MROH9: variants seen among roughly 807,000 people sequenced by gnomAD.
MROH9 encodes maestro heat-like repeat-containing protein family member 9.
A neutral mutation model predicts 98.2 loss-of-function variants in MROH9; 92 were observed. That is an observed-to-expected ratio of 0.94 (90% CI 0.79 to 1.11). The LOEUF is 1.11. Ranked by LOEUF, MROH9 falls within the 50% of genes most tolerant of loss-of-function variation. The pLI is 0.00. For missense variants in MROH9, 1,057 were observed against 1,014.8 expected (o/e 1.04, Z -0.57); for synonymous variants, 397 against 368.9 (o/e 1.08, Z -0.87).
At chr1:170,990,123 G>A in intron 11 of MROH9, 120 bp downstream of exon 11, 1 of 1,053,426 alleles carries the variant, frequency 9.5e-7, no homozygotes, top group Non-Finnish European at 1.3e-6. Flanking sequence ...TTTTCTGAAA[G>A]AGAAAATCTA....
At chr1:171,039,184 C>CA (rs1170048899) in intron 20 of MROH9, among the ~76,000 whole-genome samples, 1 of 151,956 alleles carries the variant, frequency 6.6e-6, no homozygotes, top group African/African-American at 2.4e-5. Flanking sequence ...TTGTGACTTT[C>CA]AAAAAAACAG....
At chr1:171,015,855 C>T (rs1652306291) in intron 16 of MROH9, among the ~76,000 whole-genome samples, 1 of 151,950 alleles carries the variant, frequency 6.6e-6, no homozygotes, top group Admixed American at 6.6e-5. Flanking sequence ...AATATTCCCG[C>T]CAATCAGACA....
In MROH9 at chr1:171,025,326, T is replaced by G; in HGVS notation, c.2187T>G (p.Ser729=). The change falls in exon 20 of 22, where the codon TCT becomes TCG. Residue 729 remains serine (S), a synonymous_variant. Coordinates refer to ENST00000367759, the MANE Select transcript of MROH9 (RefSeq NM_001163629.2). ...VLNICNNLII[S]HRNYITDLTS... ...TCCCTTTTTATTCTCAGATTATTTCTCATAGGAACTACATTACAGATTTGA... is the reference window on the plus strand; with the variant it reads ...TCCCTTTTTATTCTCAGATTATTTCGCATAGGAACTACATTACAGATTTGA... The G allele has an allele frequency of 1.3e-6, 2 of 1,541,806 alleles. No individual in the cohort carries two copies.
chr1:170,963,018 C>T (rs1013850457), intron 6 of MROH9, among the ~76,000 whole-genome samples: 12 of 151,678 alleles, frequency 7.9e-5, no homozygotes, highest in African/African-American at 1.9e-4. Flanking sequence ...TTCTGCCCAG[C>T]GAAAGAAACT....
At position 170,983,534 on chromosome 1, in the gene MROH9, G is replaced by A; in HGVS notation, c.729G>A (p.Gln243=). 6.3e-7 allele frequency: 1 copy of A among 1,579,924 alleles called. No individual in the cohort carries two copies. The highest frequency in any genetic ancestry group is 8.7e-7 in the Non-Finnish European group (1 of 1,149,850). Residue 243 remains glutamine (Q), a splice_region_variant and synonymous_variant, in exon 9 of 22, where the codon CAG becomes CAA. Coordinates refer to ENST00000367759, the MANE Select transcript of MROH9 (RefSeq NM_001163629.2). ...EFQQDESKIA[Q]RVGQTLLPPL... is the part of the protein sequence containing the mutation. ...AACAAGACGAAAGTAAAATAGCTCA[G>A]GTAACTTAGCCCCCACTTTTTCCGA... is the stretch of plus-strand genomic sequence containing the variant.
At chr1:170,963,992 A>G (rs1242363061) in intron 6 of MROH9, among the ~76,000 whole-genome samples, 1 of 152,132 alleles carries the variant, frequency 6.6e-6, no homozygotes, top group Non-Finnish European at 1.5e-5. Context: ...CACCGTGATT[A>G]TGAATCCTCC....
intron 20 of MROH9, among the ~76,000 whole-genome samples, chr1:171,026,789 A>G (rs1652727391): frequency 6.6e-6 from 1 of 152,250 alleles, no homozygotes; most frequent in South Asian, 2.1e-4. Context: ...TCGATAGAGC[A>G]GATGAAAGTT....
chr1:170,998,151 C>T lies in MROH9; in HGVS notation c.1476-3C>T. 1.3e-6 allele frequency: 2 copies of T among 1,594,550 alleles called. No individual in the cohort carries two copies. Among genetic ancestry groups the T allele is most frequent in the Non-Finnish European group, 1.7e-6 (2 of 1,172,810 alleles). ...TAATTCAGTGCCTTATTCTCTTTTA[C>T]AGAACTCTCAGTGAATATAACTTTC... is the stretch of plus-strand genomic sequence containing the variant. On this transcript the variant is annotated splice_region_variant and splice_polypyrimidine_tract_variant and intron_variant, in intron 14 of 21. Transcript: ENST00000367759.
chr1:170,946,332 T>C (rs1394326474), intron 2 of MROH9, among the ~76,000 whole-genome samples: 1 of 151,950 alleles, frequency 6.6e-6, no homozygotes, highest in African/African-American at 2.4e-5. Flanking sequence ...ACAAAATACC[T>C]AACCAGTGCT....
chr1:170,987,847 A>C (rs74976781), intron 10 of MROH9, among the ~76,000 whole-genome samples: 5,791 of 152,298 alleles, frequency 0.038, 376 homozygotes, highest in African/African-American at 0.13. Flanking sequence ...GCCTGAAAGG[A>C]AAATAATTTA....
chr1:171,024,530 G>A lies in MROH9; in HGVS notation c.2044G>A (p.Asp682Asn). The A allele has an allele frequency of 6.5e-7, 1 of 1,534,084 alleles. No homozygotes were observed. The highest frequency in any genetic ancestry group is 8.8e-7 in the Non-Finnish European group (1 of 1,140,300). The stretch of plus-strand genomic sequence containing the variant: ...CCTAATCCTATTTTTGGAGGATGAT[G>A]ATAAAAGAGTAGCTGAAGTAAGTCA... ...VPLILFLEDDDKRVAEACKYT... is the reference protein window; with the variant it reads ...VPLILFLEDDNKRVAEACKYT... The change falls in exon 18 of 22, where the codon GAT (aspartate) becomes AAT (asparagine). Residue 682 changes from aspartate to asparagine, a missense_variant. Coordinates refer to ENST00000367759, the MANE Select transcript of MROH9 (RefSeq NM_001163629.2).
intron 3 of MROH9, among the ~76,000 whole-genome samples, chr1:170,956,916 T>C (rs1212575680): frequency 3.3e-5 from 5 of 152,086 alleles, no homozygotes; most frequent in Non-Finnish European, 4.4e-5. Context: ...AGAGTGGGCA[T>C]CCTTGTCTTG....
At chr1:170,990,142 C>A (rs1557887446) in intron 11 of MROH9, 139 bp downstream of exon 11, 8 of 842,844 alleles carry the variant, frequency 9.5e-6, no homozygotes, top group Non-Finnish European at 5.2e-6. Context: ...TATTTTTGCA[C>A]CATGTGGGAT....
intron 15 of MROH9, among the ~76,000 whole-genome samples, chr1:171,007,871 G>T (rs1455172544): frequency 6.6e-6 from 1 of 152,132 alleles, no homozygotes; most frequent in African/African-American, 2.4e-5. Flanking sequence ...GAGAGACCGG[G>T]TCATTTCTGG....
intron 20 of MROH9, among the ~76,000 whole-genome samples, chr1:171,045,025 G>A (rs1252644789): frequency 3.7e-5 from 2 of 54,704 alleles, no homozygotes; most frequent in African/African-American, 1.3e-4. Context: ...TTTTTGAGAT[G>A]GAGTCTCGCT....
intron 7 of MROH9, among the ~76,000 whole-genome samples, chr1:170,970,087 A>T (rs1650382097): frequency 6.6e-6 from 1 of 152,184 alleles, no homozygotes. Context: ...ACATACACCT[A>T]GATAGATCCT....
chr1:170,991,114 A>G (rs1319159860), intron 11 of MROH9, among the ~76,000 whole-genome samples: 1 of 152,162 alleles, frequency 6.6e-6, no homozygotes, highest in Non-Finnish European at 1.5e-5. Context: ...AAAATTGCCA[A>G]TAAATCTGGT....
At chr1:171,062,404 T>C (rs990346267) in intron 21 of MROH9, among the ~76,000 whole-genome samples, 3 of 152,204 alleles carry the variant, frequency 2.0e-5, no homozygotes, top group African/African-American at 7.2e-5. Flanking sequence ...CCCCTTACTC[T>C]CTTTCCCTGT....
chr1:171,040,526 C>T (rs1653263788), intron 20 of MROH9, among the ~76,000 whole-genome samples: 1 of 152,034 alleles, frequency 6.6e-6, no homozygotes, highest in Non-Finnish European at 1.5e-5. Context: ...ATGTTATATA[C>T]CTTAAATATA....
Sources: gnomAD v4.1 joint callset for allele counts (sites outside exome capture counted in the v4.1 genomes callset) on GRCh38, gnomAD v4.1.1 for gene constraint, MANE v1.5 for transcripts, NCBI Gene and HGNC (gene_info 2026-07-23, HGNC 2026-07-21) for gene names.